MESD: variants seen among roughly 807,000 people sequenced by gnomAD.
The protein encoded by MESD is LRP chaperone MESD.
Under a neutral mutation model 12.9 loss-of-function variants are expected in MESD, and 7 were observed. The observed-to-expected ratio is 0.54, with a 90% confidence interval of 0.31 to 1.02. The LOEUF (loss-of-function observed/expected upper bound fraction) is 1.02, where lower values mean the gene tolerates loss of function less well. Among genes scored for constraint, MESD ranks in the 50% least tolerant of loss-of-function variants. The probability of loss-of-function intolerance (pLI) is 0.05; values close to 1 mark genes in which losing one functional copy is unlikely to be tolerated. For missense variants in MESD, 342 were observed against 296.7 expected (o/e 1.15, Z -1.12); for synonymous variants, 126 against 115.6 (o/e 1.09, Z -0.58).
At chr15:80,983,894 CTTTTTTTTTTT>C (rs10570822) in intron 1 of MESD, among the ~76,000 whole-genome samples, 29 of 88,502 alleles carry the variant, frequency 3.3e-4, no homozygotes, top group African/African-American at 1.2e-3. Flanking sequence ...AAAACAGTAA[CTTTTTTTTTTT>C]TTTTTTTTTT....
intron 3 of MESD, among the ~76,000 whole-genome samples, chr15:80,956,486 G>GA (rs1337012820): frequency 6.6e-6 from 1 of 152,212 alleles, no homozygotes; most frequent in East Asian, 1.9e-4. Flanking sequence ...CAAAGGCTTA[G>GA]AAAGAGTAGC....
chr15:80,959,640 T>G (rs1399379927), intron 3 of MESD, among the ~76,000 whole-genome samples: 2 of 152,206 alleles, frequency 1.3e-5, no homozygotes, highest in Non-Finnish European at 2.9e-5. Context: ...CGAACCCTCT[T>G]TCTACCATAA....
At chr15:80,985,823 T>C (rs1267983067) in intron 1 of MESD, among the ~76,000 whole-genome samples, 3 of 152,008 alleles carry the variant, frequency 2.0e-5, no homozygotes, top group African/African-American at 7.3e-5. Flanking sequence ...GGGTAATTTA[T>C]TTTTGTATTT....
chr15:80,947,049 G>C (rs1483993112), downstream of MESD: 2 of 1,613,274 alleles, frequency 1.2e-6, no homozygotes, highest in Admixed American at 1.7e-5. Flanking sequence ...GGGCAGACAG[G>C]GGTCTCAAGT....
At chr15:80,949,078 G>A (rs533363284) in intron 4 of MESD, 16,381 of 1,017,354 alleles carry the variant, frequency 0.016, 205 homozygotes, top group Non-Finnish European at 0.02. Flanking sequence ...GGCTATCAGA[G>A]ACCCTGGTGC....
chr15:80,981,724 G>C (rs1008134545), intron 2 of MESD, among the ~76,000 whole-genome samples: 1 of 149,460 alleles, frequency 6.7e-6, no homozygotes, highest in African/African-American at 2.5e-5. Flanking sequence ...GCATGGTGGC[G>C]GGCGCCTGTA....
chr15:80,972,808 GTCA>G, downstream of MESD, among the ~76,000 whole-genome samples: 1 of 152,318 alleles, frequency 6.6e-6, no homozygotes, highest in South Asian at 2.1e-4. Flanking sequence ...TGATCACGAG[GTCA>G]GGAGTTCGAG....
intron 1 of MESD, among the ~76,000 whole-genome samples, chr15:80,983,617 A>G (rs927833367): frequency 2.0e-4 from 30 of 152,312 alleles, no homozygotes; most frequent in African/African-American, 6.7e-4. Flanking sequence ...AAAAATATTT[A>G]AAAGAGCGTG....
intron 4 of MESD, chr15:80,948,928 C>T (rs762397778): frequency 6.2e-6 from 10 of 1,614,112 alleles, no homozygotes; most frequent in Admixed American, 1.7e-5. Context: ...GTTGTGAGGA[C>T]AGCTGCCGCC....
intron 3 of MESD, among the ~76,000 whole-genome samples, chr15:80,968,569 G>A (rs562295202): frequency 6.6e-6 from 1 of 152,236 alleles, no homozygotes; most frequent in South Asian, 2.1e-4. Context: ...TCCTTTGGAA[G>A]GCCAAGGTGG....
At chr15:80,983,856 T>A (rs1902653057) in intron 1 of MESD, among the ~76,000 whole-genome samples, 1 of 146,064 alleles carries the variant, frequency 6.8e-6, no homozygotes, top group South Asian at 2.2e-4. Context: ...CCCATAATGA[T>A]CAAAACAAAT....
At chr15:80,959,548 T>C (rs1902048978) in intron 3 of MESD, among the ~76,000 whole-genome samples, 1 of 152,126 alleles carries the variant, frequency 6.6e-6, no homozygotes, top group South Asian at 2.1e-4. Flanking sequence ...CAGATCAAAG[T>C]TGGTAAGGGG....
At chr15:80,989,034 T>C (rs996680993) in intron 1 of MESD, among the ~76,000 whole-genome samples, 1 of 152,044 alleles carries the variant, frequency 6.6e-6, no homozygotes, top group African/African-American at 2.4e-5. Context: ...GTAAAATAAA[T>C]CCACCCACAA....
chr15:80,954,288 G>C (rs80116140), intron 3 of MESD, among the ~76,000 whole-genome samples: 1 of 152,172 alleles, frequency 6.6e-6, no homozygotes, highest in East Asian at 1.9e-4. Flanking sequence ...ATAGGCCATA[G>C]GTTTTCCCAT....
intron 2 of MESD, among the ~76,000 whole-genome samples, chr15:80,981,579 G>C (rs1053303894): frequency 6.6e-6 from 1 of 151,936 alleles, no homozygotes; most frequent in African/African-American, 2.4e-5. Flanking sequence ...CACAGGGCCA[G>C]GTGTGGTGGC....
At chr15:80,973,539 A>T (rs1486750079), downstream of MESD, among the ~76,000 whole-genome samples, 6 of 152,178 alleles carry the variant, frequency 3.9e-5, no homozygotes, top group South Asian at 2.1e-4. Flanking sequence ...TGTCTCAAAA[A>T]AAATAAATAA....
downstream of MESD, chr15:80,947,098 C>T (rs1335209143): frequency 7.0e-7 from 1 of 1,419,264 alleles, no homozygotes; most frequent in East Asian, 2.3e-5. Context: ...AAACTGACCC[C>T]AAAACCAGAG....
At chr15:80,952,241 GA>G (rs1567117694) in exon 4 of MESD, 1 of 456,236 alleles carries the variant, frequency 2.2e-6, no homozygotes, top group Non-Finnish European at 4.4e-6. Flanking sequence ...ACTGGCAGAC[GA>G]GAGGCAGGCA....
Position 80,977,307 on chromosome 15 carries a change from T to G in MESD, c.*1912A>C, listed in dbSNP as rs1902442306. 1 of 152,302 alleles carries G rather than the reference T, an allele frequency of 6.6e-6. No homozygotes were observed. 9.4% of individuals were successfully genotyped at this position (152,302 alleles called of 1,614,324 possible). ...TACTTCTAACAGCTGCCATTTTACTTTGTACATTACTGACATTTGTCTTCC... is the reference window on the plus strand; with the variant it reads ...TACTTCTAACAGCTGCCATTTTACTGTGTACATTACTGACATTTGTCTTCC... On this transcript the variant is annotated 3_prime_UTR_variant, in exon 3 of 3. Transcript: ENST00000261758.
Sources: gnomAD v4.1 joint callset for allele counts (sites outside exome capture counted in the v4.1 genomes callset) on GRCh38, gnomAD v4.1.1 for gene constraint, MANE v1.5 for transcripts, NCBI Gene and HGNC (gene_info 2026-07-23, HGNC 2026-07-21) for gene names.